The following MED17 variants were observed in gnomAD, a reference collection of about 807,000 sequenced individuals.
MED17 encodes mediator complex subunit 17.
Under a neutral mutation model 80.8 loss-of-function variants are expected in MED17, and 49 were observed. The ratio of observed to expected loss-of-function variants is 0.61; its 90% CI spans 0.48 to 0.77. MED17 has a LOEUF of 0.77. Ranked by LOEUF, MED17 falls within the 30% of genes least tolerant of loss-of-function variation. MED17 has a pLI of 0.00. For missense variants in MED17, 718 were observed against 787.0 expected (o/e 0.91, Z 1.05); for synonymous variants, 281 against 280.4 (o/e 1.00, Z -0.02).
Position 93,784,576 on chromosome 11 carries a change from G to A in MED17, c.63G>A (p.Glu21=). The part of the protein sequence containing the change: ...IESACEKQVH[E]VGLDGTETYL... Reference sequence around the variant, plus strand: ...CGGCCTGCGAGAAGCAGGTCCATGAGGTGGGCCTGGATGGCACCGAGACGT... The same window carrying A: ...CGGCCTGCGAGAAGCAGGTCCATGAAGTGGGCCTGGATGGCACCGAGACGT... Residue 21 remains glutamate (E), a synonymous_variant, in exon 1 of 12, where the codon GAG becomes GAA. Transcript: ENST00000251871. 1 of 1,611,950 alleles carries A rather than the reference G, an allele frequency of 6.2e-7. No homozygotes were observed. Among genetic ancestry groups the A allele is most frequent in the Non-Finnish European group, 8.5e-7 (1 of 1,179,676 alleles).
intron 10 of MED17, chr11:93,808,604 A>G (rs943815706): frequency 6.8e-6 from 1 of 148,014 alleles, no homozygotes; most frequent in Non-Finnish European, 1.5e-5. Context: ...AAAAAATAGT[A>G]TCTTGCATTA....
chr11:93,788,238 C>G (rs1943790084), intron 2 of MED17, 71 bp downstream of exon 2: 1 of 1,359,208 alleles, frequency 7.4e-7, no homozygotes, highest in Non-Finnish European at 1.0e-6. Context: ...TGGCTTTGTG[C>G]CTGTTGTTCC....
chr11:93,794,718 C>T (rs762451525), intron 5 of MED17, 190 bp from the exon 6 acceptor site: 40 of 618,430 alleles, frequency 6.5e-5, no homozygotes, highest in Non-Finnish European at 8.7e-5. Context: ...AATACCCTGC[C>T]GGGATGATTT....
Position 93,793,974 on chromosome 11 carries a change from A to G in MED17, c.798A>G (p.Pro266=). The G allele has an allele frequency of 1.2e-6, 2 of 1,614,082 alleles. No homozygotes were observed. The highest frequency in any genetic ancestry group is 1.1e-5 in the South Asian group (1 of 91,076). ...AGGTTTCAATACAAAAACAGGCTCC[A>G]GATATAGGTGACCTCGGCACAGTTA... ...YIKVSIQKQA[P]DIGDLGTVNL... is the part of the protein sequence containing the mutation. The change falls in exon 5 of 12, where the codon CCA becomes CCG. Residue 266 remains proline (P), a synonymous_variant. Coordinates refer to ENST00000251871, the MANE Select transcript of MED17 (RefSeq NM_004268.5).
intron 3 of MED17, among the ~76,000 whole-genome samples, chr11:93,791,492 C>G (rs1003802044): frequency 3.3e-5 from 5 of 152,024 alleles, no homozygotes; most frequent in African/African-American, 1.2e-4. Context: ...ATTGCTTGAG[C>G]TTAGGAATTC....
intron 9 of MED17, among the ~76,000 whole-genome samples, chr11:93,805,170 G>A (rs924728595): frequency 6.6e-6 from 1 of 152,044 alleles, no homozygotes; most frequent in African/African-American, 2.4e-5. Context: ...GTATTTCATT[G>A]TATGTCCCAC....
chr11:93,795,682 G>A (rs16919382), intron 6 of MED17: 3,463 of 153,372 alleles, frequency 0.023, 143 homozygotes, highest in African/African-American at 0.08. Context: ...CTTTGCACTT[G>A]TTTTTTACAT....
chr11:93,800,428 A>G (rs954799245), intron 8 of MED17, among the ~76,000 whole-genome samples: 4 of 152,066 alleles, frequency 2.6e-5, no homozygotes, highest in African/African-American at 9.7e-5. Context: ...CAGGAGTTCT[A>G]CACCAGCCTG....
intron 9 of MED17, among the ~76,000 whole-genome samples, chr11:93,804,411 C>T (rs113023493): frequency 0.19 from 29,360 of 152,032 alleles, 3,264 homozygotes; most frequent in Non-Finnish European, 0.26. Context: ...TTGTATCCTT[C>T]AATCCAATCA....
In MED17 at chr11:93,784,703, G is replaced by A. The variant is rs768892538; in HGVS notation, c.190G>A (p.Glu64Lys). ...GSEEEEAAGT[E>K]GDAQEWPGAG... ...CGAGGAGGAGGAGGCGGCGGGGACC[G>A]AGGGCGACGCGCAGGAGTGGCCGGG... The change falls in exon 1 of 12, where the codon GAG becomes AAG. Residue 64 changes from glutamate to lysine, a missense_variant. Glu to Lys is a moderately conservative substitution (Grantham distance 56). Coordinates refer to ENST00000251871, the MANE Select transcript of MED17 (RefSeq NM_004268.5). 6.4e-7 allele frequency: 1 copy of A among 1,551,720 alleles called. No individual in the cohort carries two copies. Among genetic ancestry groups the A allele is most frequent in the Non-Finnish European group, 8.7e-7 (1 of 1,149,532 alleles).
chr11:93,787,948 A>G, intron 1 of MED17, 53 bp from the exon 2 acceptor site: 1 of 1,465,526 alleles, frequency 6.8e-7, no homozygotes, highest in Non-Finnish European at 9.6e-7. Context: ...GCTGTCTGCC[A>G]TTCAATGTAA....
chr11:93,789,398 A>G (rs998595202), intron 2 of MED17: 2 of 152,202 alleles, frequency 1.3e-5, no homozygotes, highest in Non-Finnish European at 2.9e-5. Context: ...CTTTTCTACT[A>G]TTCTGTGCTT....
chr11:93,796,790 T>C (rs1270219548), intron 7 of MED17: 3 of 452,624 alleles, frequency 6.6e-6, no homozygotes, highest in Non-Finnish European at 1.2e-5. Flanking sequence ...AACATGATGC[T>C]AAAGTGCAGA....
chr11:93,802,547 T>G (rs1943973534), intron 9 of MED17, among the ~76,000 whole-genome samples: 1 of 152,234 alleles, frequency 6.6e-6, no homozygotes, highest in Admixed American at 6.5e-5. Context: ...GGGTAAACAA[T>G]GAACCCCGGC....
chr11:93,811,688 G>T, intron 11 of MED17, 165 bp from the exon 12 acceptor site: 1 of 630,924 alleles, frequency 1.6e-6, no homozygotes, highest in Non-Finnish European at 2.8e-6. Context: ...AGAAGTTAGA[G>T]TTTTTCTCTT....
intron 8 of MED17, chr11:93,800,815 T>C (rs900584398): frequency 6.6e-6 from 1 of 152,064 alleles, no homozygotes; most frequent in Admixed American, 6.5e-5. Context: ...TTTTTTTTTA[T>C]TTATAGAGAC....
intron 10 of MED17, chr11:93,808,744 T>G (rs972978131): frequency 7.9e-5 from 12 of 152,044 alleles, no homozygotes; most frequent in African/African-American, 2.9e-4. Context: ...CTAAATTGGC[T>G]TTGGTTACTT....
At chr11:93,796,233 G>C in intron 6 of MED17, 177 bp from the exon 7 acceptor site, 2 of 629,450 alleles carry the variant, frequency 3.2e-6, no homozygotes, top group South Asian at 3.7e-5. Context: ...TTGCAGGCGT[G>C]AGCCACCGCA....
chr11:93,787,629 A>G (rs1477345069), intron 1 of MED17, among the ~76,000 whole-genome samples: 1 of 152,210 alleles, frequency 6.6e-6, no homozygotes, highest in African/African-American at 2.4e-5. Flanking sequence ...TGGCTGGCTT[A>G]CAGGTCATTT....
Sources: gnomAD v4.1 joint callset for allele counts (sites outside exome capture counted in the v4.1 genomes callset) on GRCh38, gnomAD v4.1.1 for gene constraint, MANE v1.5 for transcripts, NCBI Gene and HGNC (gene_info 2026-07-23, HGNC 2026-07-21) for gene names.